SNX25: variants seen among roughly 807,000 people sequenced by gnomAD.
SNX25 encodes sorting nexin 25.
Under a neutral mutation model 113.7 loss-of-function variants are expected in SNX25, and 62 were observed. The ratio of observed to expected loss-of-function variants is 0.55; its 90% CI spans 0.44 to 0.67. The LOEUF (loss-of-function observed/expected upper bound fraction) is 0.67, where lower values mean the gene tolerates loss of function less well. Ranked by LOEUF, SNX25 falls within the 30% of genes least tolerant of loss-of-function variation. The pLI is 0.00. For synonymous variants in SNX25, 421 were observed against 436.2 expected, an observed-to-expected ratio of 0.97 and a Z score of 0.43; for missense variants, 1,014 against 1,161.0, an observed-to-expected ratio of 0.87 and a Z score of 1.84.
At chr4:185,248,898 G>A (rs538553643) in intron 2 of SNX25, among the ~76,000 whole-genome samples, 66 of 152,128 alleles carry the variant, frequency 4.3e-4, no homozygotes, top group Non-Finnish European at 9.1e-4. Flanking sequence ...TTATGGAAAT[G>A]GAACCATACA....
chr4:185,264,933 A>G (rs1747835074), intron 4 of SNX25, among the ~76,000 whole-genome samples: 1 of 152,108 alleles, frequency 6.6e-6, no homozygotes, highest in Non-Finnish European at 1.5e-5. Context: ...TGTGTGTATA[A>G]TATCTATATA....
At chr4:185,310,031 A>G (rs1284397997) in intron 6 of SNX25, among the ~76,000 whole-genome samples, 1 of 152,094 alleles carries the variant, frequency 6.6e-6, no homozygotes, top group Admixed American at 6.5e-5. Context: ...TCTCACTTTG[A>G]CACTCGCTAT....
At chr4:185,345,183 G>GGACT (rs2095279579) in intron 12 of SNX25, among the ~76,000 whole-genome samples, 1 of 152,156 alleles carries the variant, frequency 6.6e-6, no homozygotes, top group Middle Eastern at 3.2e-3. Flanking sequence ...CCTCGTCTGT[G>GGACT]GACTGATGGC....
intron 6 of SNX25, among the ~76,000 whole-genome samples, chr4:185,309,576 T>C (rs1754959166): frequency 6.6e-6 from 1 of 152,110 alleles, no homozygotes; most frequent in Non-Finnish European, 1.5e-5. Flanking sequence ...GTTGGAAACC[T>C]AGGAGCCATA....
intron 6 of SNX25, among the ~76,000 whole-genome samples, chr4:185,290,850 T>C (rs1752071025): frequency 6.6e-6 from 1 of 152,210 alleles, no homozygotes; most frequent in Non-Finnish European, 1.5e-5. Context: ...ACTGCCAGGT[T>C]GCCTTGAGTG....
exon 12 of SNX25, chr4:185,369,882 G>A (rs1273028635): frequency 1.1e-5 from 4 of 366,074 alleles, no homozygotes; most frequent in African/African-American, 4.3e-5. Flanking sequence ...AACCACTGCT[G>A]TAATATCAGA....
At chr4:185,251,768 C>T (rs1364698009) in intron 2 of SNX25, among the ~76,000 whole-genome samples, 1 of 151,674 alleles carries the variant, frequency 6.6e-6, no homozygotes, top group Non-Finnish European at 1.5e-5. Flanking sequence ...TTTCTCTGTA[C>T]TTAGACGTGA....
At chr4:185,357,432 G>C (rs1228865283) in intron 15 of SNX25, among the ~76,000 whole-genome samples, 1 of 152,186 alleles carries the variant, frequency 6.6e-6, no homozygotes, top group Non-Finnish European at 1.5e-5. Context: ...CAGCTGTTGG[G>C]AGGCACTGAA....
chr4:185,240,183 G>A (rs904268868), intron 1 of SNX25, among the ~76,000 whole-genome samples: 4 of 151,964 alleles, frequency 2.6e-5, no homozygotes, highest in Non-Finnish European at 4.4e-5. Context: ...CACAGACATG[G>A]CAACCATCCG....
At chr4:185,237,908 C>A (rs1224357908) in intron 1 of SNX25, among the ~76,000 whole-genome samples, 2 of 151,234 alleles carry the variant, frequency 1.3e-5, no homozygotes, top group Admixed American at 1.3e-4. Context: ...ACTATAAATA[C>A]AAAAATTAGC....
At chr4:185,370,782 G>A (rs955414284), downstream of SNX25, 1 of 1,613,978 alleles carries the variant, frequency 6.2e-7, no homozygotes, top group Non-Finnish European at 8.5e-7. Flanking sequence ...GGCGATCATG[G>A]GGATGTCGTG....
At chr4:185,373,240 C>T (rs2095422025), downstream of SNX25, among the ~76,000 whole-genome samples, 1 of 152,202 alleles carries the variant, frequency 6.6e-6, no homozygotes, top group African/African-American at 2.4e-5. Flanking sequence ...AGCACACATG[C>T]CTAACACAGT....
At chr4:185,267,217 G>GT (rs1748242270) in intron 5 of SNX25, 62 bp downstream of exon 5, 2 of 1,428,408 alleles carry the variant, frequency 1.4e-6, no homozygotes, top group African/African-American at 1.5e-5. Flanking sequence ...GCCTAGTTAG[G>GT]TTAAAAAAAA....
intron 1 of SNX25, among the ~76,000 whole-genome samples, chr4:185,244,116 C>G (rs1744488723): frequency 6.6e-6 from 1 of 152,120 alleles, no homozygotes; most frequent in Admixed American, 6.5e-5. Context: ...TCCTTCCTCA[C>G]CCTCCTGAGT....
At chr4:185,206,601 G>A (rs990081557), upstream of SNX25, among the ~76,000 whole-genome samples, 9 of 147,906 alleles carry the variant, frequency 6.1e-5, no homozygotes, top group African/African-American at 2.3e-4. Context: ...GGAGGTTGCA[G>A]TGAGCCGAGA....
chr4:185,354,516 C>T (rs2095330533), intron 15 of SNX25, among the ~76,000 whole-genome samples: 1 of 152,264 alleles, frequency 6.6e-6, no homozygotes, highest in Middle Eastern at 3.4e-3. Context: ...CTCAGGACAG[C>T]CCCGCGGCAG....
chr4:185,344,493 T>C (rs1284150380), intron 12 of SNX25, among the ~76,000 whole-genome samples: 2 of 152,098 alleles, frequency 1.3e-5, no homozygotes, highest in Admixed American at 1.3e-4. Context: ...TTAACAAGCA[T>C]GTGGGTAAAT....
intron 1 of SNX25, among the ~76,000 whole-genome samples, chr4:185,226,501 G>A (rs531952708): frequency 6.6e-6 from 1 of 152,110 alleles, no homozygotes; most frequent in Non-Finnish European, 1.5e-5. Context: ...CCCAGGCTGG[G>A]GTGCAGTGGC....
At chr4:185,272,683 A>C (rs1451246065) in intron 5 of SNX25, among the ~76,000 whole-genome samples, 2 of 152,194 alleles carry the variant, frequency 1.3e-5, no homozygotes, top group Non-Finnish European at 2.9e-5. Flanking sequence ...CCTGCTTCCC[A>C]TCTGAAGTCT....
Sources: allele counts gnomAD v4.1 joint callset (sites outside exome capture counted in the v4.1 genomes callset), GRCh38; gene constraint gnomAD v4.1.1; transcripts MANE v1.5; gene names NCBI Gene and HGNC (gene_info 2026-07-23, HGNC 2026-07-21).